Variants in EIF3B observed in about 807,000 individuals in gnomAD.
EIF3B encodes the protein eukaryotic translation initiation factor 3 subunit 9.
A neutral mutation model predicts 104.6 loss-of-function variants in EIF3B; 10 were observed. The ratio of observed to expected loss-of-function variants is 0.10; its 90% CI spans 0.06 to 0.16. The LOEUF is 0.16. EIF3B is among the 10% of genes least tolerant of loss of function. The pLI is 1.00. For synonymous variants in EIF3B, 542 were observed against 417.2 expected, an observed-to-expected ratio of 1.30 and a Z score of -3.65; for missense variants, 1,014 against 1,087.9, an observed-to-expected ratio of 0.93 and a Z score of 0.96.
intron 5 of EIF3B, among the ~76,000 whole-genome samples, chr7:2,364,166 G>A (rs902238083): frequency 1.3e-5 from 2 of 152,198 alleles, no homozygotes; most frequent in Non-Finnish European, 2.9e-5. Context: ...GGAGGCTGAG[G>A]CAGGAGAATG....
Position 2,369,490 on chromosome 7 carries a change from T to C in EIF3B, c.1422T>C (p.Pro474=), listed in dbSNP as rs774094818. ...ISGIKDFSWS[P]GGNIIAFWVP... Reference sequence around the variant, plus strand: ...TCTGCAGAGACTTTTCTTGGTCTCCTGGTGGTAACATAATCGCCTTCTGGG... The same window carrying C: ...TCTGCAGAGACTTTTCTTGGTCTCCCGGTGGTAACATAATCGCCTTCTGGG... Residue 474 remains proline (P), a synonymous_variant, in exon 10 of 19, where the codon CCT becomes CCC. Coordinates refer to ENST00000360876, the MANE Select transcript of EIF3B (RefSeq NM_001037283.2). 7 of 1,614,274 alleles carry C rather than the reference T, an allele frequency of 4.3e-6. No individual in the cohort carries two copies. The highest frequency in any genetic ancestry group is 1.3e-5 in the African/African-American group (1 of 75,078).
intron 15 of EIF3B, chr7:2,377,739 CGCG>C: frequency 9.9e-6 from 1 of 100,786 alleles, no homozygotes; most frequent in Admixed American, 9.0e-5. Flanking sequence ...AAGGAGCAGG[CGCG>C]AGCGCTCCTG....
At chr7:2,375,311 GCCGCAGCA>G (rs1780571990) in intron 13 of EIF3B, 70 bp from the exon 14 acceptor site, 1 of 1,586,768 alleles carries the variant, frequency 6.3e-7, no homozygotes, top group African/African-American at 1.3e-5. Flanking sequence ...GGGACCCCAT[GCCGCAGCA>G]CCTCTCAGGA....
rs2115307498 is a variant in EIF3B at position 2,367,031 on chromosome 7, G to A, written c.1389G>A (p.Lys463=). 6.2e-7 allele frequency: 1 copy of A among 1,612,048 alleles called. No individual in the cohort carries two copies. Among genetic ancestry groups the A allele is most frequent in the Non-Finnish European group, 8.5e-7 (1 of 1,179,602 alleles). Reference sequence around the variant, plus strand: ...GTCTTTTGGACAAGAAGAGTTTGAAGATCTCTGGGATAAAGTGAGTATTCT... The same window carrying A: ...GTCTTTTGGACAAGAAGAGTTTGAAAATCTCTGGGATAAAGTGAGTATTCT... ...SMGLLDKKSL[K]ISGIKDFSWS... The change falls in exon 9 of 19, where the codon AAG becomes AAA. Residue 463 remains lysine (K), a synonymous_variant. Transcript: ENST00000360876.
At position 2,360,880 on chromosome 7, in the gene EIF3B, G is replaced by C. The variant is rs775088394; in HGVS notation, c.670G>C (p.Glu224Gln). 2 of 1,612,760 alleles carry C rather than the reference G, an allele frequency of 1.2e-6. No individual in the cohort carries two copies. The highest frequency in any genetic ancestry group is 4.5e-5 in the East Asian group (2 of 44,850). The change falls in exon 2 of 19, where the codon GAA becomes CAA. Residue 224 changes from glutamate to glutamine, a missense_variant. Around this residue, in one of 4 missense-constraint regions of EIF3B, gnomAD observed 488 missense variants for 404.3 expected, o/e 1.21. Coordinates refer to ENST00000360876, the MANE Select transcript of EIF3B (RefSeq NM_001037283.2). The part of the protein sequence containing the change: ...FGKITNDFYP[E>Q]EDGKTKGYIF... ...GAAAATCACAAATGATTTTTATCCTGAAGAGGATGGGAAGACAAAAGGGTG... is the reference window on the plus strand; with the variant it reads ...GAAAATCACAAATGATTTTTATCCTCAAGAGGATGGGAAGACAAAAGGGTG...
chr7:2,362,575 G>T (rs1779790743), intron 2 of EIF3B, 70 bp from the exon 3 acceptor site: 2 of 1,587,896 alleles, frequency 1.3e-6, no homozygotes, highest in East Asian at 2.2e-5. Flanking sequence ...GTGGAGAGGG[G>T]TGGGGCGGAC....
At position 2,369,692 on chromosome 7, in the gene EIF3B, T is replaced by G. The variant is rs1780214116; in HGVS notation, c.1614+10T>G. On this transcript the variant is annotated intron_variant, in intron 10 of 18. Coordinates refer to ENST00000360876, the MANE Select transcript of EIF3B (RefSeq NM_001037283.2). ...TCCGAAAGGCACCCAGGTATGTAGA[T>G]TCCCACAGGAACTGACGATTCCTTA... 1.2e-6 allele frequency: 2 copies of G among 1,613,136 alleles called. No individual in the cohort carries two copies. Among genetic ancestry groups the G allele is most frequent in the Admixed American group, 1.7e-5 (1 of 59,944 alleles).
At chr7:2,360,418 C>A (rs1303462771) in intron 1 of EIF3B, among the ~76,000 whole-genome samples, 1 of 152,146 alleles carries the variant, frequency 6.6e-6, no homozygotes, top group East Asian at 1.9e-4. Context: ...TTGCATTGTG[C>A]ATTGTTAAAA....
At chr7:2,372,573 G>A (rs1464621781) in intron 11 of EIF3B, 100 bp from the exon 12 acceptor site, 3 of 1,428,628 alleles carry the variant, frequency 2.1e-6, no homozygotes, top group Non-Finnish European at 2.9e-6. Context: ...TACACGTCGG[G>A]GGATATTTCT....
rs965752730 is a variant in EIF3B at position 2,380,428 on chromosome 7, C to A, written c.*239C>A. ...TGTGCCTTTCAGCCCCTGGTGTCTG[C>A]AGTGGGGGATTTAAGGCACCCGCTT... On this transcript the variant is annotated 3_prime_UTR_variant, in exon 19 of 19. Transcript: ENST00000360876. 1 of 516,810 alleles carries A rather than the reference C, an allele frequency of 1.9e-6. No homozygotes were observed. Among genetic ancestry groups the A allele is most frequent in the Non-Finnish European group, 3.9e-6 (1 of 259,162 alleles). The allele number at this position is 516,810 out of a possible 1,614,324, so 32.0% of individuals were successfully genotyped here.
At chr7:2,371,012 G>A (rs1364405563) in intron 10 of EIF3B, among the ~76,000 whole-genome samples, 7 of 152,160 alleles carry the variant, frequency 4.6e-5, no homozygotes, top group South Asian at 2.1e-4. Context: ...GCAGTGAGCC[G>A]AGATTGCACC....
intron 3 of EIF3B, 87 bp downstream of exon 3, chr7:2,362,851 GTGTC>G: frequency 6.3e-7 from 1 of 1,575,164 alleles, no homozygotes; most frequent in Non-Finnish European, 8.6e-7. Context: ...CTCGGTGCTG[GTGTC>G]TGTCAGATTG....
intron 1 of EIF3B, among the ~76,000 whole-genome samples, chr7:2,356,971 G>T (rs1197969145): frequency 6.6e-6 from 1 of 152,124 alleles, no homozygotes; most frequent in African/African-American, 2.4e-5. Flanking sequence ...CCCTGAAGGT[G>T]GAGTAGGCTG....
chr7:2,366,843 G>A, intron 8 of EIF3B, 156 bp from the exon 9 acceptor site: 1 of 854,238 alleles, frequency 1.2e-6, no homozygotes, highest in Non-Finnish European at 1.9e-6. Context: ...AGTTCTGGGT[G>A]GCGGGTGGGT....
At chr7:2,362,929 C>A (rs1779817477) in intron 3 of EIF3B, 141 bp from the exon 4 acceptor site, 2 of 1,423,074 alleles carry the variant, frequency 1.4e-6, no homozygotes, top group Non-Finnish European at 2.0e-6. Flanking sequence ...CACTTCTGGC[C>A]TACAGCACCC....
intron 4 of EIF3B, 42 bp downstream of exon 4, chr7:2,363,169 G>A (rs1270986068): frequency 6.3e-7 from 1 of 1,597,458 alleles, no homozygotes; most frequent in Admixed American, 1.7e-5. Flanking sequence ...TTAAAGAAAT[G>A]CTGCTGGGTG....
At chr7:2,367,620 C>T (rs527598356) in intron 9 of EIF3B, among the ~76,000 whole-genome samples, 28 of 151,568 alleles carry the variant, frequency 1.8e-4, no homozygotes, top group African/African-American at 6.8e-4. Context: ...CAGGCATGTG[C>T]CACCAAGCCC....
chr7:2,361,510 C>T (rs1223951320), intron 2 of EIF3B, among the ~76,000 whole-genome samples: 1 of 152,060 alleles, frequency 6.6e-6, no homozygotes, highest in East Asian at 1.9e-4. Flanking sequence ...AGCTCCGCCT[C>T]CCAGGTTCAC....
At chr7:2,378,076 T>C (rs370229366) in intron 15 of EIF3B, 199 of 18,344 alleles carry the variant, frequency 0.011, no homozygotes, top group East Asian at 0.027. Context: ...CCTGGGATGC[T>C]GTGTTCTGTG....
Sources: allele counts gnomAD v4.1 joint callset (sites outside exome capture counted in the v4.1 genomes callset), GRCh38; gene constraint gnomAD v4.1.1; regional missense constraint gnomAD v4.1.1; transcripts MANE v1.5; gene names NCBI Gene and HGNC (gene_info 2026-07-23, HGNC 2026-07-21).